TMEM39A: variants seen among roughly 807,000 people sequenced by gnomAD.
The protein encoded by TMEM39A is suppressor of SQST-1 aggregates in rpl-43 mutants.
Under a neutral mutation model 51.9 loss-of-function variants are expected in TMEM39A, and 19 were observed. The ratio of observed to expected loss-of-function variants is 0.37; its 90% confidence interval spans 0.26 to 0.54. TMEM39A has a LOEUF of 0.54. Ranked by LOEUF, TMEM39A falls within the 20% of genes least tolerant of loss-of-function variation. The pLI, the probability that TMEM39A is intolerant of heterozygous loss-of-function variation, is 0.88. For missense variants in TMEM39A, 433 were observed against 590.5 expected, an observed-to-expected ratio of 0.73 and a Z score of 2.76; for synonymous variants, 197 against 220.2, an observed-to-expected ratio of 0.89 and a Z score of 0.93.
intron 1 of TMEM39A, among the ~76,000 whole-genome samples, chr3:119,463,001 T>A (rs1236096666): frequency 1.3e-5 from 2 of 152,046 alleles, no homozygotes; most frequent in Non-Finnish European, 2.9e-5. Flanking sequence ...AGGATGACAC[T>A]GGAAAAAACC....
intron 4 of TMEM39A, 30 bp from the exon 5 acceptor site, chr3:119,447,202 TTTTGTAAATGATC>T: frequency 6.2e-7 from 1 of 1,601,104 alleles, no homozygotes; most frequent in South Asian, 1.1e-5. Flanking sequence ...AAAATGAACA[TTTTGTAAATGATC>T]TTCTTCAAAA....
At chr3:119,454,119 G>T (rs1450191828) in intron 3 of TMEM39A, among the ~76,000 whole-genome samples, 1 of 152,216 alleles carries the variant, frequency 6.6e-6, no homozygotes, top group East Asian at 1.9e-4. Context: ...TGTCTAAAAA[G>T]CAGCAAGAAG....
At chr3:119,435,580 A>T (rs1185943817) in intron 7 of TMEM39A, 8 of 854,716 alleles carry the variant, frequency 9.4e-6, no homozygotes, top group African/African-American at 1.8e-5. Context: ...AGCTTTTTAA[A>T]AAAAAAAAAA....
intron 2 of TMEM39A, among the ~76,000 whole-genome samples, chr3:119,461,606 T>A (rs1011143555): frequency 6.6e-6 from 1 of 152,216 alleles, no homozygotes; most frequent in African/African-American, 2.4e-5. Flanking sequence ...TTGATGGAAT[T>A]TGACTTATAA....
In TMEM39A at chr3:119,438,020, T is replaced by C. The variant is rs369795547; in HGVS notation, c.659A>G (p.Gln220Arg). Residue 220 changes from glutamine to arginine, a missense_variant, in exon 6 of 9, where the codon CAG becomes CGG. Physicochemically the swap from Gln to Arg is conservative, Grantham distance 43 (BLOSUM62 1). Coordinates refer to ENST00000319172, the MANE Select transcript of TMEM39A (RefSeq NM_018266.3). ...GGCACTTTCCTCTACTGCCTCGTGC[T>C]GAACCACATAGTTGTAGTCTGTGAG... is the stretch of plus-strand genomic sequence containing the variant. The part of the protein sequence containing the change: ...LLLTDYNYVV[Q>R]HEAVEESAST... The C allele has an allele frequency of 6.2e-7, 1 of 1,613,964 alleles. No individual in the cohort carries two copies. The highest frequency in any genetic ancestry group is 1.3e-5 in the African/African-American group (1 of 74,938).
chr3:119,438,167 G>T, intron 5 of TMEM39A, 64 bp from the exon 6 acceptor site: 1 of 1,289,846 alleles, frequency 7.8e-7, no homozygotes, highest in Non-Finnish European at 1.1e-6. Flanking sequence ...TATAACTTAC[G>T]TCAATATAAC....
intron 2 of TMEM39A, among the ~76,000 whole-genome samples, chr3:119,459,036 G>A (rs1360392692): frequency 6.6e-6 from 1 of 152,192 alleles, no homozygotes; most frequent in Non-Finnish European, 1.5e-5. Context: ...TGATGCCCAG[G>A]GTTTTTATTG....
intron 5 of TMEM39A, among the ~76,000 whole-genome samples, chr3:119,442,603 C>T (rs112113709): frequency 0.022 from 3,280 of 152,250 alleles, 108 homozygotes; most frequent in African/African-American, 0.074. Context: ...ATGCTAAATG[C>T]CATTGAGAAC....
intron 4 of TMEM39A, 104 bp from the exon 5 acceptor site, chr3:119,447,276 G>T: frequency 1.7e-6 from 2 of 1,192,906 alleles, no homozygotes; most frequent in Non-Finnish European, 1.2e-6. Context: ...GCTAAAATGT[G>T]TCTTTAAAAA....
intron 4 of TMEM39A, among the ~76,000 whole-genome samples, chr3:119,450,081 A>G (rs938775108): frequency 1.3e-5 from 2 of 152,224 alleles, no homozygotes; most frequent in African/African-American, 4.8e-5. Context: ...TCTAATTTAG[A>G]TATTTTAGGA....
intron 7 of TMEM39A, chr3:119,435,504 C>A: frequency 1.0e-6 from 1 of 984,188 alleles, no homozygotes; most frequent in South Asian, 4.7e-5. Context: ...AAAGAAGTTA[C>A]AGAAGCAGCA....
chr3:119,454,134 G>C (rs547505193), intron 3 of TMEM39A, among the ~76,000 whole-genome samples: 2 of 152,304 alleles, frequency 1.3e-5, no homozygotes, highest in African/African-American at 4.8e-5. Flanking sequence ...AAGAAGGCTG[G>C]AGTGAGATAA....
chr3:119,432,295 ATAATT>A lies in TMEM39A; in HGVS notation c.1234-86_1234-82del, dbSNP rs551661432. 182 of 972,474 alleles carry A rather than the reference ATAATT, an allele frequency of 1.9e-4. 1 individual carries two copies. In the East Asian group the frequency reaches 3.8e-3, roughly 20 times the overall value. The allele number at this position is 972,474 out of a possible 1,614,324, so 60.2% of individuals were successfully genotyped here. ...TTATTCTTGCATTGATTTTTCTAAA[ATAATT>A]TAACATTTACAGGTTCCCATATATA... On this transcript the variant is annotated intron_variant, in intron 8 of 8. Transcript: ENST00000319172.
In TMEM39A at chr3:119,463,583, C is replaced by G; in HGVS notation, c.-322G>C. 1 of 398,826 alleles carries G rather than the reference C, an allele frequency of 2.5e-6. No individual in the cohort carries two copies. The highest frequency in any genetic ancestry group is 4.4e-6 in the Non-Finnish European group (1 of 226,184). The allele number at this position is 398,826 out of a possible 1,614,324, so 24.7% of individuals were successfully genotyped here. ...CTAGAGCCAGAGCCTGATACTTCAGCACCCATCCCTAGCCTCCATTACCGC... is the reference window on the plus strand; with the variant it reads ...CTAGAGCCAGAGCCTGATACTTCAGGACCCATCCCTAGCCTCCATTACCGC... On this transcript the variant is annotated 5_prime_UTR_variant, in exon 1 of 9. Coordinates refer to ENST00000319172, the MANE Select transcript of TMEM39A (RefSeq NM_018266.3).
chr3:119,438,720 G>A (rs536224673), intron 5 of TMEM39A, among the ~76,000 whole-genome samples: 22 of 152,164 alleles, frequency 1.4e-4, no homozygotes, highest in African/African-American at 5.3e-4. Flanking sequence ...ACGTGTGTAC[G>A]TTTGGTCATT....
intron 5 of TMEM39A, among the ~76,000 whole-genome samples, chr3:119,439,610 T>C (rs1328655739): frequency 6.6e-6 from 1 of 151,450 alleles, no homozygotes; most frequent in Non-Finnish European, 1.5e-5. Context: ...TATTTAGTTA[T>C]ACATTTTATA....
intron 7 of TMEM39A, 24 bp from the exon 8 acceptor site, chr3:119,434,906 T>TTAGCATATTGGCAATTACAGATAAGA: frequency 1.2e-6 from 2 of 1,610,388 alleles, no homozygotes; most frequent in Non-Finnish European, 1.7e-6. Context: ...AAATGCAATG[T>TTAGCATATTGGCAATTACAGATAAGA]TAGCATATTG....
In TMEM39A at chr3:119,434,835, C is replaced by G; in HGVS notation, c.1160G>C (p.Ser387Thr). ...IWPQGVLVRH[S>T]RCLYRAMGPY... Reference sequence around the variant, plus strand: ...CCCCATGGCTCTATATAAACATCTGCTGTGCCGCACCAGCACCCCTTGAGG... The same window carrying G: ...CCCCATGGCTCTATATAAACATCTGGTGTGCCGCACCAGCACCCCTTGAGG... The change falls in exon 8 of 9, where the codon AGC becomes ACC. Residue 387 changes from serine (S) to threonine (T), a missense_variant. Around this residue, in one of 3 missense-constraint regions of TMEM39A, gnomAD observed 223 missense variants for 328.1 expected, o/e 0.68. Coordinates refer to ENST00000319172, the MANE Select transcript of TMEM39A (RefSeq NM_018266.3). 6.2e-7 allele frequency: 1 copy of G among 1,613,760 alleles called. No individual in the cohort carries two copies. The highest frequency in any genetic ancestry group is 8.5e-7 in the Non-Finnish European group (1 of 1,179,702).
intron 8 of TMEM39A, 134 bp downstream of exon 8, chr3:119,434,628 T>TA (rs1024008396): frequency 1.1e-5 from 14 of 1,317,792 alleles, no homozygotes; most frequent in African/African-American, 8.8e-5. Flanking sequence ...GGACCACTGT[T>TA]ACGCTAGTAG....
Sources: gnomAD v4.1 joint callset for allele counts (sites outside exome capture counted in the v4.1 genomes callset) on GRCh38, gnomAD v4.1.1 for gene constraint, gnomAD v4.1.1 regional missense constraint, MANE v1.5 for transcripts, NCBI Gene and HGNC (gene_info 2026-07-23, HGNC 2026-07-21) for gene names.